The following AP4S1 variants were observed in gnomAD, a reference collection of about 807,000 sequenced individuals.
AP4S1 encodes the protein adaptor related protein complex 4 subunit sigma 1.
A neutral mutation model predicts 19.8 loss-of-function variants in AP4S1; 23 were observed. The ratio of observed to expected loss-of-function variants is 1.16; its 90% CI spans 0.84 to 1.65. The LOEUF is 1.65. Ranked by LOEUF, AP4S1 falls within the 40% of genes most tolerant of loss-of-function variation. AP4S1 has a pLI of 0.00. For missense variants in AP4S1, 166 were observed against 172.8 expected (o/e 0.96, Z 0.22); for synonymous variants, 46 against 54.1 (o/e 0.85, Z 0.66).
At chr14:31,071,784 A>C (rs1887017091) in intron 3 of AP4S1, among the ~76,000 whole-genome samples, 2 of 152,094 alleles carry the variant, frequency 1.3e-5, no homozygotes, top group South Asian at 4.1e-4. Context: ...TTCACGTCTC[A>C]CTGCAGCCTT....
At position 31,073,301 on chromosome 14, in the gene AP4S1, T is replaced by A. The variant is rs376772684; in HGVS notation, c.294+328T>A. On this transcript the variant is annotated intron_variant, in intron 4 of 5. Transcript: ENST00000542754. ...GTCAGGAGATGGAGACCATCCTGGC[T>A]AATACGGTGAAACCCCGTCTCTACT... The A allele has an allele frequency of 4.7e-4, 128 of 270,128 alleles. 1 individual carries two copies. The highest frequency in any genetic ancestry group is 3.6e-3 in the South Asian group (92 of 25,380). 16.7% of individuals were successfully genotyped at this position (270,128 alleles called of 1,614,324 possible). A position where few individuals can be genotyped will look rare whatever the true frequency, so the allele number is the denominator to read the frequency against.
intron 1 of AP4S1, among the ~76,000 whole-genome samples, chr14:31,037,124 T>C (rs1320028938): frequency 6.6e-6 from 1 of 152,004 alleles, no homozygotes; most frequent in Non-Finnish European, 1.5e-5. Context: ...GTCCTCTTTT[T>C]CTAACCTCCA....
At chr14:31,073,376 G>T (rs1184241034) in intron 4 of AP4S1, among the ~76,000 whole-genome samples, 1 of 133,412 alleles carries the variant, frequency 7.5e-6, no homozygotes, top group Non-Finnish European at 1.7e-5. Context: ...TGTAGTCCCA[G>T]CTACTCCGGA....
At chr14:31,067,766 G>A (rs1886802995) in intron 2 of AP4S1, among the ~76,000 whole-genome samples, 1 of 151,960 alleles carries the variant, frequency 6.6e-6, no homozygotes, top group Non-Finnish European at 1.5e-5. Context: ...TGATCTGCCT[G>A]CCTCGGCCTC....
At chr14:31,048,239 G>A (rs61976839) in intron 1 of AP4S1, among the ~76,000 whole-genome samples, 16,807 of 151,236 alleles carry the variant, frequency 0.11, 1,248 homozygotes, top group Non-Finnish European at 0.16. Flanking sequence ...GATTACAGGC[G>A]CCCACCACCA....
chr14:31,081,114 T>C (rs1026407943), intron 5 of AP4S1, among the ~76,000 whole-genome samples: 1 of 152,166 alleles, frequency 6.6e-6, no homozygotes, highest in African/African-American at 2.4e-5. Context: ...AGATTTTTTT[T>C]TTCCAGGCAG....
chr14:31,092,104 T>A (rs1453762821), intron 5 of AP4S1, among the ~76,000 whole-genome samples: 1 of 152,248 alleles, frequency 6.6e-6, no homozygotes, highest in Non-Finnish European at 1.5e-5. Flanking sequence ...TAAGAACACC[T>A]GTAAGCCAAA....
chr14:31,082,199 A>T (rs551755664), intron 5 of AP4S1, among the ~76,000 whole-genome samples: 16 of 152,202 alleles, frequency 1.1e-4, no homozygotes, highest in South Asian at 1.0e-3. Flanking sequence ...GTGGTGAGTG[A>T]CCCAAATCTA....
chr14:31,081,107 T>A (rs1319020684), intron 5 of AP4S1, among the ~76,000 whole-genome samples: 1 of 150,706 alleles, frequency 6.6e-6, no homozygotes. Context: ...ATTCTTAAGA[T>A]TTTTTTTTTC....
At chr14:31,039,488 A>G (rs888795407) in intron 1 of AP4S1, among the ~76,000 whole-genome samples, 5 of 151,862 alleles carry the variant, frequency 3.3e-5, no homozygotes, top group African/African-American at 4.8e-5. Context: ...TCTGGCCCTA[A>G]TGTAGCTTTT....
At chr14:31,059,985 G>GTA (rs933324459) in intron 1 of AP4S1, among the ~76,000 whole-genome samples, 3 of 70,862 alleles carry the variant, frequency 4.2e-5, no homozygotes, top group African/African-American at 1.2e-4. Flanking sequence ...ATGTATATAT[G>GTA]TATATATATT....
chr14:31,029,122 C>T (rs1884232047), intron 1 of AP4S1, among the ~76,000 whole-genome samples: 1 of 152,122 alleles, frequency 6.6e-6, no homozygotes, highest in Admixed American at 6.6e-5. Flanking sequence ...ATTCTACTAC[C>T]TTTCAGTCAG....
chr14:31,081,463 G>C (rs115642327), intron 5 of AP4S1, among the ~76,000 whole-genome samples: 1,566 of 152,228 alleles, frequency 0.01, 26 homozygotes, highest in African/African-American at 0.034. Flanking sequence ...CTCAAAACAA[G>C]CACGATTTGC....
chr14:31,056,771 T>C (rs1886143283), intron 1 of AP4S1, among the ~76,000 whole-genome samples: 1 of 152,234 alleles, frequency 6.6e-6, no homozygotes, highest in Non-Finnish European at 1.5e-5. Flanking sequence ...CTGAAGTTAA[T>C]GCTCATTAAG....
chr14:31,076,845 G>A (rs574676085), intron 4 of AP4S1, among the ~76,000 whole-genome samples: 15 of 152,296 alleles, frequency 9.8e-5, no homozygotes, highest in Admixed American at 7.9e-4. Flanking sequence ...AAAAGAATCA[G>A]TAAAGATGTT....
intron 2 of AP4S1, among the ~76,000 whole-genome samples, chr14:31,069,086 C>T (rs1423729340): frequency 1.3e-5 from 2 of 152,176 alleles, no homozygotes; most frequent in Non-Finnish European, 2.9e-5. Flanking sequence ...AAGAGCAACA[C>T]ATCCAGCACA....
At chr14:31,036,529 C>T (rs970018573) in intron 1 of AP4S1, among the ~76,000 whole-genome samples, 1 of 152,204 alleles carries the variant, frequency 6.6e-6, no homozygotes, top group Admixed American at 6.5e-5. Context: ...TTTGATTAGC[C>T]TGACCTAGCT....
At chr14:31,071,844 T>G (rs1445774868) in intron 3 of AP4S1, among the ~76,000 whole-genome samples, 2 of 151,926 alleles carry the variant, frequency 1.3e-5, no homozygotes, top group South Asian at 4.2e-4. Context: ...CAATCCCGAG[T>G]ACCTAAGACT....
chr14:31,026,710 G>C (rs948738061), intron 1 of AP4S1: 1 of 152,604 alleles, frequency 6.6e-6, no homozygotes, highest in African/African-American at 2.4e-5. Flanking sequence ...AGGCTTCCTG[G>C]TTATCAGTTT....
Sources: allele counts gnomAD v4.1 joint callset (sites outside exome capture counted in the v4.1 genomes callset), GRCh38; gene constraint gnomAD v4.1.1; transcripts MANE v1.5; gene names NCBI Gene and HGNC (gene_info 2026-07-23, HGNC 2026-07-21).